The following NLGN1 variants were observed in gnomAD, a reference collection of about 807,000 sequenced individuals.
The protein encoded by NLGN1 is neuroligin 1, also known as neuroligin-1.
In NLGN1, 12 loss-of-function variants were observed where a neutral mutation model predicts 65.5. The observed-to-expected ratio is 0.18, with a 90% confidence interval of 0.12 to 0.30. NLGN1 has a LOEUF of 0.30. Among genes scored for constraint, NLGN1 ranks in the 10% least tolerant of loss-of-function variants. NLGN1 has a pLI of 1.00. For missense variants in NLGN1, 750 were observed against 1,007.1 expected (o/e 0.74, Z 3.46); for synonymous variants, 350 against 359.5 (o/e 0.97, Z 0.30).
chr3:173,759,026 A>G lies in NLGN1; in HGVS notation c.494-48654A>G, dbSNP rs190133052. On this transcript the variant is annotated intron_variant, in intron 3 of 6. Coordinates refer to ENST00000457714, the Ensembl canonical transcript of NLGN1. ...TAGGTACTTGCATGACGTTCAGCCT[A>G]TACATAGTAAGCATTATTTTTCTTC... 3.3e-5 allele frequency among the ~76,000 whole-genome samples: 5 copies of G among 151,882 alleles called. No individual in the cohort carries two copies. In the East Asian group the frequency reaches 9.7e-4, roughly 29 times the overall value.
intron 2 of NLGN1, among the ~76,000 whole-genome samples, chr3:173,457,140 G>C (rs963097196): frequency 3.7e-4 from 57 of 152,222 alleles, no homozygotes; most frequent in African/African-American, 1.3e-3. Context: ...GAAGGGTGGT[G>C]AATGAGTTGA....
In NLGN1 at chr3:173,733,130, T is replaced by A. The variant is rs141335412; in HGVS notation, c.494-74550T>A. ...AACAACTTAAATCTGGTTTTAAAAA[T>A]CAGTAGTCTTCTTGCTTCATTCCTA... On this transcript the variant is annotated intron_variant, in intron 3 of 6. Coordinates refer to ENST00000457714, the Ensembl canonical transcript of NLGN1. Among the ~76,000 whole-genome samples the A allele has an allele frequency of 4.0e-3, 609 of 152,274 alleles. 4 individuals are homozygous for A. Among genetic ancestry groups the A allele is most frequent in the African/African-American group, 0.014 (582 of 41,578 alleles).
chr3:173,605,060 A>G (rs770809867), exon 3 of NLGN1: 4 of 1,612,488 alleles, frequency 2.5e-6, no homozygotes, highest in African/African-American at 1.3e-5. Flanking sequence ...AAGACTGCCT[A>G]TATTTAAATA....
chr3:173,655,687 A>C (rs571468278), intron 3 of NLGN1, among the ~76,000 whole-genome samples: 1 of 152,098 alleles, frequency 6.6e-6, no homozygotes, highest in Non-Finnish European at 1.5e-5. Context: ...TATACTTTGT[A>C]CCCTACCTAC....
intron 2 of NLGN1, among the ~76,000 whole-genome samples, chr3:173,501,261 C>T (rs552803926): frequency 4.6e-5 from 7 of 152,194 alleles, no homozygotes; most frequent in African/African-American, 1.4e-4. Flanking sequence ...CCTCCCCCGG[C>T]AGTCCACCAG....
At chr3:173,953,075 A>G (rs1363354378) in intron 4 of NLGN1, among the ~76,000 whole-genome samples, 1 of 152,176 alleles carries the variant, frequency 6.6e-6, no homozygotes, top group Non-Finnish European at 1.5e-5. Flanking sequence ...CACCGTGCTC[A>G]GCCCTAAAAT....
At chr3:173,895,915 CCTGACCTCAGGTGAT>C (rs1290976077) in intron 4 of NLGN1, among the ~76,000 whole-genome samples, 3 of 152,216 alleles carry the variant, frequency 2.0e-5, no homozygotes, top group African/African-American at 7.2e-5. Flanking sequence ...GTCTCGAACT[CCTGACCTCAGGTGAT>C]CTGCCCACCT....
At chr3:173,646,686 CAAAG>C (rs1758327060) in intron 3 of NLGN1, among the ~76,000 whole-genome samples, 1 of 151,784 alleles carries the variant, frequency 6.6e-6, no homozygotes, top group African/African-American at 2.4e-5. Flanking sequence ...AATATCAAAA[CAAAG>C]AGTTACACCT....
At chr3:173,637,609 A>G (rs1756794862) in intron 3 of NLGN1, among the ~76,000 whole-genome samples, 1 of 152,132 alleles carries the variant, frequency 6.6e-6, no homozygotes, top group South Asian at 2.1e-4. Context: ...CACAGGCATT[A>G]TTTTACAGCT....
chr3:173,531,701 T>G (rs1405220785), intron 2 of NLGN1, among the ~76,000 whole-genome samples: 1 of 152,082 alleles, frequency 6.6e-6, no homozygotes, highest in East Asian at 1.9e-4. Context: ...AGTTAACCAA[T>G]TATTTAAACA....
chr3:173,818,863 G>A (rs1719568890), intron 4 of NLGN1, among the ~76,000 whole-genome samples: 1 of 92,662 alleles, frequency 1.1e-5, no homozygotes, highest in African/African-American at 4.3e-5. Context: ...CTTGGATTTT[G>A]CTTTTTAATT....
chr3:173,589,225 T>C (rs1488485252), intron 2 of NLGN1, among the ~76,000 whole-genome samples: 1 of 152,216 alleles, frequency 6.6e-6, no homozygotes, highest in African/African-American at 2.4e-5. Flanking sequence ...TTTAGTTTAG[T>C]ATTTTCACTG....
At chr3:173,436,089 A>G (rs1166289236) in intron 2 of NLGN1, among the ~76,000 whole-genome samples, 1 of 152,138 alleles carries the variant, frequency 6.6e-6, no homozygotes, top group East Asian at 1.9e-4. Flanking sequence ...CATGTCTATA[A>G]CTCGCTTTTT....
At chr3:174,264,973 G>A (rs989627893) in intron 4 of NLGN1, among the ~76,000 whole-genome samples, 8 of 152,162 alleles carry the variant, frequency 5.3e-5, no homozygotes, top group African/African-American at 1.4e-4. Flanking sequence ...CTGCTGGGGG[G>A]TGCCTCCCAT....
At chr3:173,809,538 T>C (rs1717429965) in intron 4 of NLGN1, among the ~76,000 whole-genome samples, 1 of 152,222 alleles carries the variant, frequency 6.6e-6, no homozygotes, top group African/African-American at 2.4e-5. Context: ...TTTTAAGGAC[T>C]TGAACATCCA....
At chr3:174,209,840 C>T (rs1736126451) in intron 4 of NLGN1, among the ~76,000 whole-genome samples, 1 of 151,740 alleles carries the variant, frequency 6.6e-6, no homozygotes, top group African/African-American at 2.4e-5. Flanking sequence ...GCCATGTTGG[C>T]CAGGCTGGTC....
intron 1 of NLGN1, among the ~76,000 whole-genome samples, chr3:173,418,767 T>G (rs1714315506): frequency 6.6e-6 from 1 of 152,250 alleles, no homozygotes; most frequent in East Asian, 1.9e-4. Flanking sequence ...ATTATGTACA[T>G]ATTAACCCAT....
intron 2 of NLGN1, among the ~76,000 whole-genome samples, chr3:173,547,949 T>C (rs1159164394): frequency 6.6e-6 from 1 of 152,114 alleles, no homozygotes; most frequent in Non-Finnish European, 1.5e-5. Flanking sequence ...TAATTTTTTT[T>C]TTCCTCAAAG....
chr3:173,583,539 G>A (rs147977904), intron 2 of NLGN1, among the ~76,000 whole-genome samples: 84 of 152,206 alleles, frequency 5.5e-4, no homozygotes, highest in African/African-American at 1.8e-3. Context: ...AGAGTGTCTT[G>A]GACTGCTTGC....
Sources: allele counts gnomAD v4.1 joint callset (sites outside exome capture counted in the v4.1 genomes callset), GRCh38; gene constraint gnomAD v4.1.1; transcripts MANE v1.5; gene names NCBI Gene and HGNC (gene_info 2026-07-23, HGNC 2026-07-21).